CHPT1: variants seen among roughly 807,000 people sequenced by gnomAD.
CHPT1 encodes the protein cholinephosphotransferase 1.
Under a neutral mutation model 47.6 loss-of-function variants are expected in CHPT1, and 36 were observed. The observed-to-expected ratio is 0.76, with a 90% CI of 0.58 to 1.00. The LOEUF (loss-of-function observed/expected upper bound fraction) is 1.00, where lower values mean the gene tolerates loss of function less well. CHPT1 is among the 50% of genes least tolerant of loss of function. CHPT1 has a pLI of 0.00. For missense variants in CHPT1, 458 were observed against 498.1 expected (o/e 0.92, Z 0.77); for synonymous variants, 194 against 186.3 (o/e 1.04, Z -0.33).
In CHPT1 at chr12:101,723,861, T is replaced by C. The variant is rs1168063867; in HGVS notation, c.1065+14T>C. 1 of 1,477,696 alleles carries C rather than the reference T, an allele frequency of 6.8e-7. No homozygotes were observed. Among genetic ancestry groups the C allele is most frequent in the East Asian group, 2.3e-5 (1 of 43,752 alleles). 91.5% of individuals were successfully genotyped at this position (1,477,696 alleles called of 1,614,324 possible). The stretch of plus-strand genomic sequence containing the variant: ...TGGATGGCAATGGTAAGTATTTTTC[T>C]CCATTTTATTTATTTTTTAACAATG... On this transcript the variant is annotated intron_variant, in intron 7 of 8. Coordinates refer to ENST00000229266, the MANE Select transcript of CHPT1 (RefSeq NM_020244.3).
chr12:101,709,207 G>A (rs1432799472), intron 1 of CHPT1, among the ~76,000 whole-genome samples: 1 of 146,980 alleles, frequency 6.8e-6, no homozygotes, highest in Admixed American at 7.0e-5. Context: ...ACCAGCCTGG[G>A]TAGCATAGCC....
chr12:101,719,013 C>T (rs1057268376), intron 4 of CHPT1, among the ~76,000 whole-genome samples: 1 of 151,724 alleles, frequency 6.6e-6, no homozygotes, highest in Non-Finnish European at 1.5e-5. Context: ...ACAAATTAGC[C>T]GGGTGTGGTG....
intron 1 of CHPT1, among the ~76,000 whole-genome samples, chr12:101,698,587 C>G (rs368889295): frequency 2.6e-5 from 4 of 152,178 alleles, no homozygotes; most frequent in East Asian, 3.9e-4. Context: ...CGTAACCGTT[C>G]GTTTCTGGAA....
chr12:101,700,498 A>G (rs1039131256), intron 1 of CHPT1, among the ~76,000 whole-genome samples: 2 of 152,214 alleles, frequency 1.3e-5, no homozygotes, highest in African/African-American at 2.4e-5. Flanking sequence ...AAACGCCATT[A>G]CAGGATCCAC....
rs1364836334 is a variant in CHPT1 at position 101,726,415 on chromosome 12, A to G, written c.1176+11A>G. 2 of 1,610,426 alleles carry G rather than the reference A, an allele frequency of 1.2e-6. No homozygotes were observed. Among genetic ancestry groups the G allele is most frequent in the African/African-American group, 1.3e-5 (1 of 74,418 alleles). ...CAAGCACCTGAACAGGTTCACAAGCATATTGACTGACTAATAGCCCAAGGA... is the reference window on the plus strand; with the variant it reads ...CAAGCACCTGAACAGGTTCACAAGCGTATTGACTGACTAATAGCCCAAGGA... On this transcript the variant is annotated intron_variant, in intron 8 of 8. Coordinates refer to ENST00000229266, the MANE Select transcript of CHPT1 (RefSeq NM_020244.3).
At chr12:101,726,029 G>C (rs546836391) in intron 7 of CHPT1, among the ~76,000 whole-genome samples, 140 of 152,258 alleles carry the variant, frequency 9.2e-4, no homozygotes, top group Non-Finnish European at 1.7e-3. Flanking sequence ...AGTCAGGAGA[G>C]TTGGGTTCTG....
chr12:101,714,535 T>C lies in CHPT1; in HGVS notation c.453T>C (p.Ala151=). The C allele has an allele frequency of 6.2e-7, 1 of 1,607,658 alleles. No individual in the cohort carries two copies. The highest frequency in any genetic ancestry group is 1.1e-5 in the South Asian group (1 of 89,314). The change falls in exon 3 of 9, where the codon GCT becomes GCC. Residue 151 remains alanine (A), a synonymous_variant. Transcript: ENST00000229266. The stretch of plus-strand genomic sequence containing the variant: ...TGGCAGTGGGAGCTTCAATTGCCGC[T>C]CGCTTAGGAACTTATCCTGACTGGT... ...VFMAVGASIA[A]RLGTYPDWFF...
chr12:101,707,735 G>A (rs1473014561), intron 1 of CHPT1, among the ~76,000 whole-genome samples: 1 of 152,158 alleles, frequency 6.6e-6, no homozygotes, highest in Non-Finnish European at 1.5e-5. Flanking sequence ...GGGTATGTGG[G>A]GGGCAGGTGG....
At position 101,716,776 on chromosome 12, in the gene CHPT1, G is replaced by T. The variant is rs139763457; in HGVS notation, c.612G>T (p.Leu204Phe). The T allele has an allele frequency of 6.2e-7, 1 of 1,608,034 alleles. No individual in the cohort carries two copies. Among genetic ancestry groups the T allele is most frequent in the Non-Finnish European group, 8.5e-7 (1 of 1,177,374 alleles). The change falls in exon 4 of 9, where the codon TTG becomes TTT. Residue 204 changes from leucine to phenylalanine, a missense_variant. Leu to Phe is a conservative substitution (Grantham distance 22). Coordinates refer to ENST00000229266, the MANE Select transcript of CHPT1 (RefSeq NM_020244.3). ...TAGCTTTAGTGATTGTCTTTGTGTT[G>T]TCTGCATTTGGAGGAGCAACAATGT... Reference protein sequence around the residue: ...IQIALVIVFVLSAFGGATMWD... With the variant: ...IQIALVIVFVFSAFGGATMWD...
chr12:101,726,664 A>G (rs903791011), intron 8 of CHPT1: 37 of 457,368 alleles, frequency 8.1e-5, no homozygotes, highest in South Asian at 5.5e-4. Context: ...AGAAATGTCA[A>G]TCCTGAGGAC....
intron 7 of CHPT1, among the ~76,000 whole-genome samples, chr12:101,725,795 A>C (rs1377407707): frequency 1.3e-5 from 2 of 152,094 alleles, no homozygotes; most frequent in South Asian, 2.1e-4. Context: ...TTGACTGTAG[A>C]CTCTGGGCAA....
chr12:101,723,133 A>C (rs374868551), intron 5 of CHPT1, 35 bp from the exon 6 acceptor site: 8 of 1,588,830 alleles, frequency 5.0e-6, no homozygotes. Context: ...ATGCAGTGTT[A>C]AAATGTGATA....
At chr12:101,713,464 A>G (rs556605455) in intron 1 of CHPT1, among the ~76,000 whole-genome samples, 9 of 152,180 alleles carry the variant, frequency 5.9e-5, no homozygotes, top group Non-Finnish European at 1.3e-4. Flanking sequence ...TCTTAAACAC[A>G]GCATGATTGC....
At chr12:101,712,828 T>G (rs1473179946) in intron 1 of CHPT1, among the ~76,000 whole-genome samples, 2 of 148,950 alleles carry the variant, frequency 1.3e-5, no homozygotes, top group Non-Finnish European at 3.0e-5. Context: ...ACTATTTTGA[T>G]ATCCTCATCT....
In CHPT1 at chr12:101,698,243, C is replaced by G. The variant is rs576685558; in HGVS notation, c.273+109C>G. On this transcript the variant is annotated intron_variant, in intron 1 of 8. Transcript: ENST00000229266. ...GCGCGGCTGAGCCTCTCCCGGGCCC[C>G]GGAGGGGCGGACTGGCCACTGCCCC... 6.3e-5 allele frequency: 84 copies of G among 1,333,176 alleles called. No individual in the cohort carries two copies. The African/African-American group carries it at 1.1e-3, about 17-fold the overall frequency. The allele number at this position is 1,333,176 out of a possible 1,614,324, so 82.6% of individuals were successfully genotyped here.
At chr12:101,700,094 T>C (rs1021071087) in intron 1 of CHPT1, among the ~76,000 whole-genome samples, 9 of 152,202 alleles carry the variant, frequency 5.9e-5, no homozygotes, top group African/African-American at 2.2e-4. Flanking sequence ...TAATAAAATT[T>C]AGTTTTGATT....
chr12:101,727,291 A>AAAG (rs1951977288), intron 8 of CHPT1: 1 of 152,166 alleles, frequency 6.6e-6, no homozygotes, highest in Non-Finnish European at 1.5e-5. Context: ...AAAATAAGTA[A>AAAG]AAGTTATTCA....
intron 1 of CHPT1, among the ~76,000 whole-genome samples, chr12:101,701,198 T>C (rs79052419): frequency 8.4e-4 from 128 of 152,346 alleles, no homozygotes; most frequent in African/African-American, 2.9e-3. Flanking sequence ...TTGAACTTCT[T>C]ACTATAACAA....
At chr12:101,706,703 A>G (rs1369069097) in intron 1 of CHPT1, among the ~76,000 whole-genome samples, 2 of 152,230 alleles carry the variant, frequency 1.3e-5, no homozygotes, top group Non-Finnish European at 2.9e-5. Flanking sequence ...ATTCTGTTAT[A>G]GCAACAGAAA....
Sources: allele counts gnomAD v4.1 joint callset (sites outside exome capture counted in the v4.1 genomes callset), GRCh38; gene constraint gnomAD v4.1.1; transcripts MANE v1.5; gene names NCBI Gene and HGNC (gene_info 2026-07-23, HGNC 2026-07-21).